Variants in CALU observed in about 807,000 individuals in gnomAD.
CALU encodes the protein calumenin.
In CALU, 13 loss-of-function variants were observed where a neutral mutation model predicts 37.5. The observed-to-expected ratio is 0.35, with a 90% CI of 0.23 to 0.55. The LOEUF (loss-of-function observed/expected upper bound fraction) is 0.55, where lower values mean the gene tolerates loss of function less well. Among genes scored for constraint, CALU ranks in the 20% least tolerant of loss-of-function variants. The pLI is 0.89. For missense variants in CALU, 282 were observed against 391.7 expected, an observed-to-expected ratio of 0.72 and a Z score of 2.36; for synonymous variants, 114 against 133.8, an observed-to-expected ratio of 0.85 and a Z score of 1.02.
At position 128,773,086 on chromosome 7, in the gene CALU, T is replaced by C. The variant is rs1801656055; in HGVS notation, c.*3919T>C. 6.6e-6 allele frequency among the ~76,000 whole-genome samples: 1 copy of C among 152,226 alleles called. No homozygotes were observed. On this transcript the variant is annotated 3_prime_UTR_variant, in exon 7 of 7. Transcript: ENST00000249364. The stretch of plus-strand genomic sequence containing the variant: ...TTTTTGCCACTTAGGGTTTGGTGTT[T>C]ATTAGCTCGGATTTCAGATGGGATA...
At chr7:128,753,073 T>G (rs1404481533) in intron 2 of CALU, among the ~76,000 whole-genome samples, 1 of 152,266 alleles carries the variant, frequency 6.6e-6, no homozygotes, top group African/African-American at 2.4e-5. Context: ...TGCTAGTTAC[T>G]TACAGGATTT....
In CALU at chr7:128,772,908, G is replaced by A. The variant is rs1661313759; in HGVS notation, c.*3741G>A. On this transcript the variant is annotated 3_prime_UTR_variant, in exon 7 of 7. Transcript: ENST00000249364. ...TGTTGGTAAATTCACAAACCATCCTGCTTCATAAAAGCACTGTCAGCAGAG... is the reference window on the plus strand; with the variant it reads ...TGTTGGTAAATTCACAAACCATCCTACTTCATAAAAGCACTGTCAGCAGAG... 6.6e-6 allele frequency among the ~76,000 whole-genome samples: 1 copy of A among 152,146 alleles called. No homozygotes were observed. Among genetic ancestry groups the A allele is most frequent in the Non-Finnish European group, 1.5e-5 (1 of 68,030 alleles).
At chr7:128,754,660 T>A (rs1181545831) in intron 3 of CALU, 1 of 1,552,156 alleles carries the variant, frequency 6.4e-7, no homozygotes, top group South Asian at 1.2e-5. Context: ...GAGTTTGATA[T>A]GAATCAAGAC....
At chr7:128,762,649 G>A (rs115614129) in intron 5 of CALU, among the ~76,000 whole-genome samples, 1,572 of 151,502 alleles carry the variant, frequency 0.01, 31 homozygotes, top group African/African-American at 0.037. Flanking sequence ...CATTGCAGAC[G>A]TACACAACTT....
intron 1 of CALU, chr7:128,748,168 G>A: frequency 4.1e-6 from 2 of 493,400 alleles, no homozygotes; most frequent in Non-Finnish European, 7.1e-6. Context: ...AACCAGCCAT[G>A]TTTGAAGACC....
intron 1 of CALU, among the ~76,000 whole-genome samples, chr7:128,743,341 A>G (rs894122418): frequency 1.3e-5 from 2 of 152,162 alleles, no homozygotes; most frequent in Admixed American, 6.6e-5. Context: ...TATGTGTATC[A>G]TATTTTTCCT....
intron 5 of CALU, among the ~76,000 whole-genome samples, chr7:128,760,906 T>TCAAA (rs879900231): frequency 1.4e-4 from 22 of 152,064 alleles, no homozygotes; most frequent in East Asian, 1.2e-3. Flanking sequence ...AGACTCCGTC[T>TCAAA]CAAACAAACA....
intron 1 of CALU, among the ~76,000 whole-genome samples, chr7:128,739,718 G>T (rs1800156380): frequency 6.6e-6 from 1 of 152,092 alleles, no homozygotes. Context: ...CTGCGTCCTG[G>T]TCCTCCATCT....
At chr7:128,756,987 G>T (rs1471362152) in intron 3 of CALU, among the ~76,000 whole-genome samples, 2 of 152,084 alleles carry the variant, frequency 1.3e-5, no homozygotes, top group Non-Finnish European at 2.9e-5. Flanking sequence ...GCCGAAGCAG[G>T]AGGATTGCTT....
chr7:128,744,911 A>G (rs1800373609), intron 1 of CALU, among the ~76,000 whole-genome samples: 1 of 152,216 alleles, frequency 6.6e-6, no homozygotes, highest in African/African-American at 2.4e-5. Context: ...GAATTCTGGT[A>G]TCCTTGTATC....
chr7:128,746,755 T>A (rs902090632), intron 1 of CALU, among the ~76,000 whole-genome samples: 1 of 134,614 alleles, frequency 7.4e-6, no homozygotes, highest in Non-Finnish European at 1.6e-5. Context: ...CCCGGCCTCA[T>A]GTCATTCTTT....
chr7:128,772,384 T>G lies in CALU; in HGVS notation c.*3217T>G. 1 of 830,694 alleles carries G rather than the reference T, an allele frequency of 1.2e-6. No homozygotes were observed. Among genetic ancestry groups the G allele is most frequent in the East Asian group, 2.7e-5 (1 of 37,064 alleles). The allele number at this position is 830,694 out of a possible 1,614,324, so 51.5% of individuals were successfully genotyped here. On this transcript the variant is annotated 3_prime_UTR_variant, in exon 7 of 7. Transcript: ENST00000249364. ...AGTAGCTTTGTAGGCAAGAAGGCAA[T>G]AGTAAGAAAATGAAAAATTGACTCC...
At chr7:128,765,775 T>C (rs969772468) in intron 5 of CALU, among the ~76,000 whole-genome samples, 6 of 152,248 alleles carry the variant, frequency 3.9e-5, no homozygotes, top group South Asian at 4.1e-4. Context: ...CAATTACTTA[T>C]CCCTAGAGTG....
chr7:128,767,430 T>C, intron 5 of CALU, 26 bp from the exon 6 acceptor site: 1 of 1,567,650 alleles, frequency 6.4e-7, no homozygotes, highest in Non-Finnish European at 8.8e-7. Context: ...CAAACCCTTC[T>C]TTTGTATGTA....
rs534530814 is a variant in CALU at position 128,750,267 on chromosome 7, A to G, written c.221+1463A>G. On this transcript the variant is annotated intron_variant, in intron 2 of 6. Coordinates refer to ENST00000249364, the MANE Select transcript of CALU (RefSeq NM_001219.5). ...AAAATAGAAATGCAGAGGGTATTCT[A>G]AGTCTTCATGTCATGCCCATTAATA... Among the ~76,000 whole-genome samples the G allele has an allele frequency of 7.9e-5, 12 of 151,766 alleles. No homozygotes were observed. In the South Asian group the frequency reaches 1.3e-3, roughly 16 times the overall value.
intron 1 of CALU, among the ~76,000 whole-genome samples, chr7:128,739,823 TC>T (rs1333604774): frequency 6.6e-6 from 1 of 152,024 alleles, no homozygotes; most frequent in African/African-American, 2.4e-5. Context: ...TTGTAAGAGT[TC>T]CTTGCCGCCT....
chr7:128,756,367 G>A (rs944402005), intron 3 of CALU, among the ~76,000 whole-genome samples: 2 of 152,186 alleles, frequency 1.3e-5, no homozygotes, highest in South Asian at 2.1e-4. Flanking sequence ...AACGTAATGG[G>A]TATTTCTGCT....
chr7:128,742,729 G>A (rs1231746633), intron 1 of CALU, among the ~76,000 whole-genome samples: 1 of 152,158 alleles, frequency 6.6e-6, no homozygotes, highest in African/African-American at 2.4e-5. Context: ...TGGATGGATC[G>A]AAGAAACCAA....
At chr7:128,761,037 C>A (rs1192104064) in intron 5 of CALU, among the ~76,000 whole-genome samples, 1 of 152,166 alleles carries the variant, frequency 6.6e-6, no homozygotes, top group African/African-American at 2.4e-5. Context: ...CTCTTGTAGC[C>A]ATTCCTTTTT....
Sources: allele counts gnomAD v4.1 joint callset (sites outside exome capture counted in the v4.1 genomes callset), GRCh38; gene constraint gnomAD v4.1.1; transcripts MANE v1.5; gene names NCBI Gene and HGNC (gene_info 2026-07-23, HGNC 2026-07-21).